Variants in HNRNPDL observed in about 807,000 individuals in gnomAD.
HNRNPDL encodes heterogeneous nuclear ribonucleoprotein D like.
Under a neutral mutation model 48.0 loss-of-function variants are expected in HNRNPDL, and 18 were observed. The ratio of observed to expected loss-of-function variants is 0.38; its 90% confidence interval spans 0.26 to 0.56. The LOEUF (loss-of-function observed/expected upper bound fraction) is 0.56, where lower values mean the gene tolerates loss of function less well. Among genes scored for constraint, HNRNPDL ranks in the 20% least tolerant of loss-of-function variants. The pLI, the probability that HNRNPDL is intolerant of heterozygous loss-of-function variation, is 0.77. For synonymous variants in HNRNPDL, 306 were observed against 207.3 expected, an observed-to-expected ratio of 1.48 and a Z score of -4.09; for missense variants, 553 against 540.7, an observed-to-expected ratio of 1.02 and a Z score of -0.23.
In HNRNPDL at chr4:82,429,530, G is replaced by T. The variant is rs1044734748; in HGVS notation, c.161C>A (p.Ala54Glu). 1 of 1,483,364 alleles carries T rather than the reference G, an allele frequency of 6.7e-7. No individual in the cohort carries two copies. The highest frequency in any genetic ancestry group is 1.3e-5 in the South Asian group (1 of 75,992). The allele number at this position is 1,483,364 out of a possible 1,614,324, so 91.9% of individuals were successfully genotyped here. ...SLAPSSARQG[A>E]RRAQRHVTAQ... ...GGTGACGTGGCGCTGGGCCCGGCGC[G>T]CCCCCTGCCGGGCGGAGCTGGGAGC... Residue 54 changes from alanine to glutamate, a missense_variant, in exon 1 of 8, where the codon GCG becomes GAG. Coordinates refer to ENST00000295470, the MANE Select transcript of HNRNPDL (RefSeq NM_031372.4).
rs1226468574 is a variant in HNRNPDL, at chr4:82,429,932, A to AGCCGCTGCGGCG, written c.-254_-243dup. On this transcript the variant is annotated 5_prime_UTR_variant, in exon 1 of 8. Coordinates refer to ENST00000295470, the MANE Select transcript of HNRNPDL (RefSeq NM_031372.4). ...TTCTGCCCTCGGTTCGCCAGTGCGG[A>AGCCGCTGCGGCG]GCCGCTGCGGCGGCCGCTGCTACCG... 26 of 346,526 alleles carry AGCCGCTGCGGCG rather than the reference A, an allele frequency of 7.5e-5. No homozygotes were observed. The East Asian group carries it at 8.9e-4, about 12-fold the overall frequency. The allele number at this position is 346,526 out of a possible 1,614,324, so 21.5% of individuals were successfully genotyped here.
In HNRNPDL at chr4:82,424,127, C is replaced by G. The variant is rs1401614379; in HGVS notation, c.*779G>C. ...CAATGCTCTTAAACCATAGCTCCTA[C>G]CAGTTTTACAGTGCTCCTTTTGTAT... On this transcript the variant is annotated 3_prime_UTR_variant, in exon 8 of 8. Transcript: ENST00000295470. 6.6e-6 allele frequency: 1 copy of G among 152,206 alleles called. No individual in the cohort carries two copies. The highest frequency in any genetic ancestry group is 6.5e-5 in the Admixed American group (1 of 15,278). 9.4% of individuals were successfully genotyped at this position (152,206 alleles called of 1,614,324 possible).
rs1009322415 is a variant in HNRNPDL, at chr4:82,423,143, T to C, written c.*1763A>G. ...TTCAATTCTTTGCAAAACATCTCAA[T>C]CATCTCTAGATGTAGTGTATTTTTT... On this transcript the variant is annotated 3_prime_UTR_variant, in exon 8 of 8. Coordinates refer to ENST00000295470, the MANE Select transcript of HNRNPDL (RefSeq NM_031372.4). The C allele has an allele frequency of 6.6e-6, 1 of 152,232 alleles. No homozygotes were observed. The highest frequency in any genetic ancestry group is 1.5e-5 in the Non-Finnish European group (1 of 68,042). The allele number at this position is 152,232 out of a possible 1,614,324, so 9.4% of individuals were successfully genotyped here.
Position 82,427,737 on chromosome 4 carries a change from T to C in HNRNPDL, c.775-173A>G, listed in dbSNP as rs74563910. ...CAGCCTACAGTGATTTGTTGTATAT[T>C]TGAAGCATTGAGAGAAATTAATATT... On this transcript the variant is annotated intron_variant, in intron 3 of 7. Coordinates refer to ENST00000295470, the MANE Select transcript of HNRNPDL (RefSeq NM_031372.4). Among the ~76,000 whole-genome samples, 271 of 152,368 alleles carry C rather than the reference T, an allele frequency of 1.8e-3. 2 individuals are homozygous for C. Among genetic ancestry groups the C allele is most frequent in the African/African-American group, 6.3e-3 (264 of 41,584 alleles).
intron 6 of HNRNPDL, 85 bp from the exon 7 acceptor site, chr4:82,426,214 T>G: frequency 1.6e-6 from 2 of 1,213,634 alleles, no homozygotes. Context: ...CTACAAATCT[T>G]TGCATGCTAA....
At chr4:82,427,165 T>C (rs1721446748) in intron 5 of HNRNPDL, 25 bp downstream of exon 5, 2 of 1,404,538 alleles carry the variant, frequency 1.4e-6, no homozygotes, top group Middle Eastern at 1.8e-4. Context: ...AACCACGGAG[T>C]CATATTTCAA....
At chr4:82,426,771 ATTTT>A in intron 5 of HNRNPDL, 138 bp from the exon 6 acceptor site, 1 of 708,184 alleles carries the variant, frequency 1.4e-6, no homozygotes, top group Non-Finnish European at 2.3e-6. Context: ...TTGAAAAACT[ATTTT>A]TCCAGCTGTT....
chr4:82,427,529 T>C lies in HNRNPDL; in HGVS notation c.810A>G (p.Thr270=). ...TAAAACAAAATCCTCTTCTTTCATT[T>C]GTTTTTGTATCCATGGGAAGTTCAA... The part of the protein sequence containing the change: ...ENIELPMDTK[T]NERRGFCFIT... The change falls in exon 4 of 8, where the codon ACA becomes ACG. Residue 270 remains threonine (T), a synonymous_variant. Coordinates refer to ENST00000295470, the MANE Select transcript of HNRNPDL (RefSeq NM_031372.4). 3 of 1,608,908 alleles carry C rather than the reference T, an allele frequency of 1.9e-6. No individual in the cohort carries two copies. Among genetic ancestry groups the C allele is most frequent in the Non-Finnish European group, 2.5e-6 (3 of 1,178,292 alleles).
At chr4:82,426,384 C>G in intron 6 of HNRNPDL, 79 bp downstream of exon 6, 1 of 1,312,766 alleles carries the variant, frequency 7.6e-7, no homozygotes, top group Non-Finnish European at 1.1e-6. Context: ...AGCCCATACA[C>G]ACAATTTCAG....
intron 1 of HNRNPDL, among the ~76,000 whole-genome samples, chr4:82,428,944 C>G (rs1240125935): frequency 6.6e-6 from 1 of 152,204 alleles, no homozygotes; most frequent in African/African-American, 2.4e-5. Context: ...GCGGCGGCAG[C>G]TGCAGCGTGC....
chr4:82,427,097 G>T, intron 5 of HNRNPDL, 93 bp downstream of exon 5: 1 of 876,988 alleles, frequency 1.1e-6, no homozygotes, highest in Non-Finnish European at 1.9e-6. Context: ...ATGGTTTTAA[G>T]TTTAAAGTTT....
In HNRNPDL at chr4:82,427,322, G is replaced by C. The variant is rs1256574983; in HGVS notation, c.907-18C>G. The C allele has an allele frequency of 3.9e-6, 6 of 1,553,984 alleles. No individual in the cohort carries two copies. Among genetic ancestry groups the C allele is most frequent in the African/African-American group, 1.4e-5 (1 of 71,914 alleles). ...ATTTCACACTATAAACAAAAAACATGAAAGTATAATTTTTACCGAAGTTCT... is the reference window on the plus strand; with the variant it reads ...ATTTCACACTATAAACAAAAAACATCAAAGTATAATTTTTACCGAAGTTCT... On this transcript the variant is annotated intron_variant, in intron 4 of 7. Coordinates refer to ENST00000295470, the MANE Select transcript of HNRNPDL (RefSeq NM_031372.4).
At chr4:82,426,732 G>T in intron 5 of HNRNPDL, 99 bp from the exon 6 acceptor site, 2 of 976,060 alleles carry the variant, frequency 2.0e-6, no homozygotes, top group South Asian at 1.4e-5. Context: ...ATCTTAAAGG[G>T]CAGAATGGAC....
rs1238762568 is a variant in HNRNPDL, at chr4:82,429,948, G to A, written c.-258C>T. 1 of 332,128 alleles carries A rather than the reference G, an allele frequency of 3.0e-6. No individual in the cohort carries two copies. Among genetic ancestry groups the A allele is most frequent in the Non-Finnish European group, 5.4e-6 (1 of 184,118 alleles). The allele number at this position is 332,128 out of a possible 1,614,324, so 20.6% of individuals were successfully genotyped here. A position where few individuals can be genotyped will look rare whatever the true frequency, so the allele number is the denominator to read the frequency against. ...CCAGTGCGGAGCCGCTGCGGCGGCC[G>A]CTGCTACCGACTAGCACCGCGGCCA... On this transcript the variant is annotated 5_prime_UTR_variant, in exon 1 of 8. Coordinates refer to ENST00000295470, the MANE Select transcript of HNRNPDL (RefSeq NM_031372.4).
At chr4:82,425,931 T>C in intron 7 of HNRNPDL, 106 bp downstream of exon 7, 1 of 733,798 alleles carries the variant, frequency 1.4e-6, no homozygotes, top group Non-Finnish European at 2.3e-6. Flanking sequence ...AATCAACAAT[T>C]TAGTAAAAAC....
At chr4:82,426,229 A>G (rs1330114930) in intron 6 of HNRNPDL, 100 bp from the exon 7 acceptor site, 3 of 1,146,852 alleles carry the variant, frequency 2.6e-6, no homozygotes, top group Non-Finnish European at 3.9e-6. Context: ...TGCTAAATAA[A>G]AAGTATTAAG....
rs375464163 is a variant in HNRNPDL at position 82,429,412 on chromosome 4, G to A, written c.279C>T (p.Ser93=). 32 of 1,613,146 alleles carry A rather than the reference G, an allele frequency of 2.0e-5. No homozygotes were observed. The highest frequency in any genetic ancestry group is 2.5e-5 in the Non-Finnish European group (29 of 1,179,744). ...PDLFRRHFKS[S]SIQRSAAAAA... ...CAGCGGCGGCGGAGCGTTGTATGGA[G>A]CTGGATTTAAAATGGCGGCGGAAGA... Residue 93 remains serine, a synonymous_variant, in exon 1 of 8, where the codon AGC becomes AGT. Coordinates refer to ENST00000295470, the MANE Select transcript of HNRNPDL (RefSeq NM_031372.4).
In HNRNPDL at chr4:82,427,193, G is replaced by A; in HGVS notation, c.1018C>T (p.Arg340Ter). 1 of 1,603,474 alleles carries A rather than the reference G, an allele frequency of 6.2e-7. No homozygotes were observed. The highest frequency in any genetic ancestry group is 8.5e-7 in the Non-Finnish European group (1 of 1,170,636). The stretch of plus-strand genomic sequence containing the variant: ...TATTTCAAGAATTAAGTCTCACCTC[G>A]GCCACGACCCCTCGTACCACCTCGT... ...GGRGGTRGRG[R>*]GQGQNWNQGF... The change falls in exon 5 of 8, where the codon CGA becomes TGA. Residue 340 changes from arginine to a stop codon, truncating the protein, a stop_gained. Coordinates refer to ENST00000295470, the MANE Select transcript of HNRNPDL (RefSeq NM_031372.4). LOFTEE classifies it high-confidence loss of function.
chr4:82,429,193 A>T, intron 1 of HNRNPDL, 55 bp downstream of exon 1: 1 of 1,534,786 alleles, frequency 6.5e-7, no homozygotes, highest in Non-Finnish European at 9.0e-7. Context: ...ACGAGGAACG[A>T]AGGGCGCGTG....
Sources: allele counts gnomAD v4.1 joint callset (sites outside exome capture counted in the v4.1 genomes callset), GRCh38; gene constraint gnomAD v4.1.1; transcripts MANE v1.5; gene names NCBI Gene and HGNC (gene_info 2026-07-23, HGNC 2026-07-21).